CALN1: variants seen among roughly 807,000 people sequenced by gnomAD.
The protein encoded by CALN1 is calcium-binding protein 8.
In CALN1, 17 loss-of-function variants were observed where a neutral mutation model predicts 30.6. The ratio of observed to expected loss-of-function variants is 0.56; its 90% confidence interval spans 0.38 to 0.83. The LOEUF is 0.83. CALN1 is among the 40% of genes least tolerant of loss of function. The pLI is 0.00. For synonymous variants in CALN1, 156 were observed against 131.4 expected (o/e 1.19, Z -1.28); for missense variants, 291 against 354.9 (o/e 0.82, Z 1.45).
chr7:72,344,705 A>G (rs1256035755), intron 2 of CALN1, among the ~76,000 whole-genome samples: 1 of 147,064 alleles, frequency 6.8e-6, no homozygotes, highest in Admixed American at 6.8e-5. Flanking sequence ...ATTTTTATTT[A>G]TATATGCTTA....
chr7:72,107,168 G>A (rs1439757362), intron 3 of CALN1, among the ~76,000 whole-genome samples: 1 of 152,122 alleles, frequency 6.6e-6, no homozygotes, highest in East Asian at 1.9e-4. Context: ...GCAAAGATGA[G>A]GATTTGGTTT....
chr7:71,825,899 G>T (rs188819125), intron 5 of CALN1, among the ~76,000 whole-genome samples: 6 of 151,834 alleles, frequency 4.0e-5, no homozygotes, highest in African/African-American at 1.2e-4. Flanking sequence ...CGGGCGTGGT[G>T]GCAGGCGCCT....
chr7:71,882,515 C>T (rs1186631732), intron 5 of CALN1, among the ~76,000 whole-genome samples: 1 of 152,194 alleles, frequency 6.6e-6, no homozygotes, highest in African/African-American at 2.4e-5. Flanking sequence ...AACCTTGTCT[C>T]TGAATACCTG....
chr7:71,808,267 GC>G (rs1208867872), intron 6 of CALN1, among the ~76,000 whole-genome samples: 1 of 149,254 alleles, frequency 6.7e-6, no homozygotes, highest in African/African-American at 2.5e-5. Flanking sequence ...CAGTGCCTGG[GC>G]TAATAGTTAT....
At chr7:72,481,907 GA>G in the CALN1 span, among the ~76,000 whole-genome samples, 1 of 152,216 alleles carries the variant, frequency 6.6e-6, no homozygotes, top group Admixed American at 6.5e-5. Flanking sequence ...TAACTTGGTT[GA>G]TAGTGTTTTT....
At chr7:72,475,810 G>A in the CALN1 span, among the ~76,000 whole-genome samples, 1 of 152,126 alleles carries the variant, frequency 6.6e-6, no homozygotes, top group Non-Finnish European at 1.5e-5. Context: ...GGAACCTGGT[G>A]AGAGGTAATT....
At chr7:71,982,062 T>C (rs550361299) in intron 5 of CALN1, among the ~76,000 whole-genome samples, 1 of 152,338 alleles carries the variant, frequency 6.6e-6, no homozygotes, top group South Asian at 2.1e-4. Flanking sequence ...GACTTCTAGC[T>C]TTCTCTCTTA....
chr7:72,372,876 GA>G (rs1361871248), intron 2 of CALN1, among the ~76,000 whole-genome samples: 1 of 152,098 alleles, frequency 6.6e-6, no homozygotes, highest in Non-Finnish European at 1.5e-5. Context: ...AATGAACCAA[GA>G]AAATCCAAAT....
At chr7:72,154,450 T>G (rs1178859259) in intron 3 of CALN1, among the ~76,000 whole-genome samples, 1 of 152,022 alleles carries the variant, frequency 6.6e-6, no homozygotes, top group African/African-American at 2.4e-5. Flanking sequence ...CCTCTGAAGC[T>G]CTGGATTATA....
intron 2 of CALN1, among the ~76,000 whole-genome samples, chr7:72,315,420 T>G (rs971575782): frequency 3.3e-5 from 5 of 151,986 alleles, no homozygotes; most frequent in Admixed American, 6.6e-5. Flanking sequence ...AAATCCAAGC[T>G]AAAACACCAA....
rs901306701 is a variant in CALN1, at chr7:72,046,722, A to C, written c.389-22953T>G. On this transcript the variant is annotated intron_variant, in intron 4 of 6. Transcript: ENST00000395275. Reference sequence around the variant, plus strand: ...GAGACTCCCTCTTAAAAAAAAAAAAAAAAAAAAAAAAAAAAAGGATTGAAA... The same window carrying C: ...GAGACTCCCTCTTAAAAAAAAAAAACAAAAAAAAAAAAAAAAGGATTGAAA... Among the ~76,000 whole-genome samples, 8 of 137,412 alleles carry C rather than the reference A, an allele frequency of 5.8e-5. No individual in the cohort carries two copies. In the South Asian group the frequency reaches 6.5e-4, roughly 11 times the overall value. 90.1% of individuals were successfully genotyped at this position (137,412 alleles called of 152,430 possible). A position where few individuals can be genotyped will look rare whatever the true frequency, so the allele number is the denominator to read the frequency against.
At chr7:72,220,147 C>T (rs1793172540) in intron 3 of CALN1, among the ~76,000 whole-genome samples, 2 of 150,172 alleles carry the variant, frequency 1.3e-5, no homozygotes, top group South Asian at 2.1e-4. Context: ...CCCATTAACT[C>T]GTCATTTAGC....
chr7:72,078,188 A>C (rs1480443961), intron 4 of CALN1, among the ~76,000 whole-genome samples: 2 of 152,140 alleles, frequency 1.3e-5, no homozygotes, highest in Admixed American at 6.5e-5. Context: ...TTTTGAATAA[A>C]TGTTTGCTTT....
At chr7:71,791,559 G>A (rs1004379681) in intron 6 of CALN1, among the ~76,000 whole-genome samples, 2 of 152,172 alleles carry the variant, frequency 1.3e-5, no homozygotes, top group African/African-American at 4.8e-5. Flanking sequence ...TGAGGATGGA[G>A]GGTAGGAGGA....
chr7:72,238,610 G>C (rs917310341), intron 3 of CALN1, among the ~76,000 whole-genome samples: 1 of 105,204 alleles, frequency 9.5e-6, no homozygotes, highest in African/African-American at 3.6e-5. Flanking sequence ...TGAATCACAG[G>C]GAGGGTTAGC....
intron 5 of CALN1, among the ~76,000 whole-genome samples, chr7:71,864,691 A>G (rs951557096): frequency 1.3e-5 from 2 of 152,182 alleles, no homozygotes; most frequent in Non-Finnish European, 2.9e-5. Flanking sequence ...GTGGCAATCT[A>G]TTATACAACA....
intron 2 of CALN1, among the ~76,000 whole-genome samples, chr7:72,377,006 T>C (rs148389887): frequency 6.6e-5 from 10 of 152,332 alleles, no homozygotes; most frequent in South Asian, 2.1e-4. Flanking sequence ...AAAATGTATA[T>C]AGGTTTTCTT....
intron 1 of CALN1, among the ~76,000 whole-genome samples, chr7:72,418,623 C>G (rs1386295442): frequency 6.6e-6 from 1 of 152,134 alleles, no homozygotes; most frequent in South Asian, 2.1e-4. Flanking sequence ...CTTCCCCGCC[C>G]CGGCTCACAT....
At chr7:72,276,504 A>AATGT (rs1221195163) in intron 3 of CALN1, among the ~76,000 whole-genome samples, 1 of 152,140 alleles carries the variant, frequency 6.6e-6, no homozygotes, top group Non-Finnish European at 1.5e-5. Flanking sequence ...CTATGGTTTG[A>AATGT]ATGTCCCTTC....
Sources: gnomAD v4.1 joint callset for allele counts (sites outside exome capture counted in the v4.1 genomes callset) on GRCh38, gnomAD v4.1.1 for gene constraint, MANE v1.5 for transcripts, NCBI Gene and HGNC (gene_info 2026-07-23, HGNC 2026-07-21) for gene names.